The following DAB1 variants were observed in gnomAD, a reference collection of about 807,000 sequenced individuals.
The protein encoded by DAB1 is DAB adaptor protein 1, also known as disabled homolog 1.
A neutral mutation model predicts 64.6 loss-of-function variants in DAB1; 15 were observed. The ratio of observed to expected loss-of-function variants is 0.23; its 90% CI spans 0.16 to 0.36. The LOEUF (loss-of-function observed/expected upper bound fraction) is 0.36, where lower values mean the gene tolerates loss of function less well. Among genes scored for constraint, DAB1 ranks in the 10% least tolerant of loss-of-function variants. The probability of loss-of-function intolerance (pLI) is 1.00; values close to 1 mark genes in which losing one functional copy is unlikely to be tolerated. For missense variants in DAB1, 596 were observed against 706.7 expected (o/e 0.84, Z 1.78); for synonymous variants, 235 against 251.9 (o/e 0.93, Z 0.64).
At chr1:57,194,560 A>G (rs1664462182) in intron 2 of DAB1, among the ~76,000 whole-genome samples, 1 of 152,220 alleles carries the variant, frequency 6.6e-6, no homozygotes, top group Admixed American at 6.5e-5. Context: ...ATCACGTGGA[A>G]AAGCCCTTTC....
At chr1:57,729,656 G>A (rs1334775437) in intron 6 of DAB1, among the ~76,000 whole-genome samples, 1 of 152,242 alleles carries the variant, frequency 6.6e-6, no homozygotes, top group Non-Finnish European at 1.5e-5. Flanking sequence ...CTGGCAGGCA[G>A]GGGACAAGTA....
chr1:58,098,239 C>T (rs549714691), intron 5 of DAB1, among the ~76,000 whole-genome samples: 6 of 152,176 alleles, frequency 3.9e-5, no homozygotes, highest in East Asian at 1.9e-4. Flanking sequence ...TTGGGTAACA[C>T]GAAGGGAGTT....
At chr1:57,419,622 A>G (rs1684751221) in intron 1 of DAB1, among the ~76,000 whole-genome samples, 1 of 152,140 alleles carries the variant, frequency 6.6e-6, no homozygotes, top group South Asian at 2.1e-4. Flanking sequence ...TATCTAGGAG[A>G]TGGGTTTTTA....
intron 5 of DAB1, 29 bp downstream of exon 5, chr1:57,072,254 A>G: frequency 6.2e-7 from 1 of 1,611,176 alleles, no homozygotes; most frequent in Non-Finnish European, 8.5e-7. Context: ...TTCCAAGGAA[A>G]GACTCCCTTC....
intron 5 of DAB1, among the ~76,000 whole-genome samples, chr1:58,013,899 T>C (rs1161921144): frequency 6.6e-6 from 1 of 151,666 alleles, no homozygotes; most frequent in African/African-American, 2.4e-5. Flanking sequence ...TTTTCTTTTT[T>C]TTTTTTTTCT....
intron 7 of DAB1, among the ~76,000 whole-genome samples, chr1:57,617,794 G>A (rs1369263214): frequency 6.6e-6 from 1 of 152,168 alleles, no homozygotes; most frequent in Non-Finnish European, 1.5e-5. Context: ...ACTCACCTGT[G>A]CTTGTTTGCT....
intron 1 of DAB1, among the ~76,000 whole-genome samples, chr1:57,385,522 G>T (rs1681735579): frequency 6.6e-6 from 1 of 152,188 alleles, no homozygotes. Context: ...TTGGTGATAT[G>T]TAGGAAAATG....
intron 5 of DAB1, among the ~76,000 whole-genome samples, chr1:58,067,426 A>G (rs1002667089): frequency 2.6e-5 from 4 of 152,232 alleles, no homozygotes; most frequent in African/African-American, 9.6e-5. Context: ...CCTGCAAACA[A>G]TGAGATCTCC....
intron 4 of DAB1, among the ~76,000 whole-genome samples, chr1:58,291,314 G>A (rs1661829720): frequency 6.6e-6 from 1 of 152,162 alleles, no homozygotes; most frequent in African/African-American, 2.4e-5. Context: ...TTTATTTCCT[G>A]AATAACACAG....
intron 2 of DAB1, among the ~76,000 whole-genome samples, chr1:58,524,826 A>G (rs552530097): frequency 1.1e-3 from 163 of 152,354 alleles, no homozygotes; most frequent in African/African-American, 3.7e-3. Context: ...TGCACTAAAC[A>G]CAATGAAAAA....
At chr1:57,737,484 G>A (rs1304470727) in intron 6 of DAB1, among the ~76,000 whole-genome samples, 2 of 152,168 alleles carry the variant, frequency 1.3e-5, no homozygotes, top group African/African-American at 2.4e-5. Context: ...TGGTGGTAAA[G>A]GTATCTACCC....
At chr1:58,195,375 T>A (rs918467947) in intron 4 of DAB1, among the ~76,000 whole-genome samples, 9 of 151,910 alleles carry the variant, frequency 5.9e-5, no homozygotes, top group African/African-American at 2.2e-4. Flanking sequence ...ATTGCAGAGA[T>A]GGGTACAATG....
chr1:57,353,043 T>A (rs1295468430), intron 1 of DAB1, among the ~76,000 whole-genome samples: 2 of 151,930 alleles, frequency 1.3e-5, no homozygotes, highest in Non-Finnish European at 2.9e-5. Flanking sequence ...TCTGTAATCA[T>A]ATGAGCCAAT....
chr1:57,856,335 T>C (rs1653755309), intron 1 of DAB1, among the ~76,000 whole-genome samples: 1 of 152,202 alleles, frequency 6.6e-6, no homozygotes, highest in Non-Finnish European at 1.5e-5. Context: ...CTGCAATCCC[T>C]GTATAGATCT....
At chr1:58,336,394 AT>A (rs1663118427) in intron 4 of DAB1, among the ~76,000 whole-genome samples, 1 of 152,164 alleles carries the variant, frequency 6.6e-6, no homozygotes, top group Admixed American at 6.5e-5. Flanking sequence ...AGATTGCTTG[AT>A]CTGTGAGGTT....
chr1:58,232,961 G>A (rs1659850376), intron 4 of DAB1, among the ~76,000 whole-genome samples: 1 of 152,162 alleles, frequency 6.6e-6, no homozygotes, highest in South Asian at 2.1e-4. Context: ...CAGGTTGTTA[G>A]TGCCACCTGA....
In DAB1 at chr1:58,202,763, C is replaced by T. The variant is rs569501544; in HGVS notation, n.310-52175G>A. ...CACCTGCACTATGGGGTTGCTTTGT[C>T]GATATGTGTAATTGAGACTCTAGGG... On this transcript the variant is annotated intron_variant and non_coding_transcript_variant, in intron 4 of 20. Coordinates refer to the DAB1 transcript ENST00000485760. Among the ~76,000 whole-genome samples the T allele has an allele frequency of 1.4e-3, 208 of 152,226 alleles. 6 individuals carry two copies. In the South Asian group the frequency reaches 0.042, roughly 31 times the overall value.
At chr1:58,293,958 T>A (rs535991879) in intron 4 of DAB1, among the ~76,000 whole-genome samples, 1 of 152,216 alleles carries the variant, frequency 6.6e-6, no homozygotes, top group African/African-American at 2.4e-5. Flanking sequence ...TGACAGCACA[T>A]TTTGATGACA....
At chr1:57,808,219 AC>A (rs1569745934) in intron 6 of DAB1, among the ~76,000 whole-genome samples, 1 of 151,762 alleles carries the variant, frequency 6.6e-6, no homozygotes, top group East Asian at 1.9e-4. Flanking sequence ...ACACACACAC[AC>A]ACATACCCCT....
Sources: gnomAD v4.1 joint callset for allele counts (sites outside exome capture counted in the v4.1 genomes callset) on GRCh38, gnomAD v4.1.1 for gene constraint, MANE v1.5 for transcripts, NCBI Gene and HGNC (gene_info 2026-07-23, HGNC 2026-07-21) for gene names.